NCOR1: variants seen among roughly 807,000 people sequenced by gnomAD.
NCOR1 encodes the protein protein phosphatase 1, regulatory subunit 109.
NCOR1 carries 63 observed loss-of-function variants against 288.1 expected under a neutral mutation model. The ratio of observed to expected loss-of-function variants is 0.22; its 90% confidence interval spans 0.18 to 0.27. NCOR1 has a LOEUF of 0.27. NCOR1 is among the 10% of genes least tolerant of loss of function. The pLI is 1.00. For missense variants in NCOR1, 2,397 were observed against 3,019.2 expected, an observed-to-expected ratio of 0.79 and a Z score of 4.83; for synonymous variants, 1,007 against 1,065.9, an observed-to-expected ratio of 0.94 and a Z score of 1.08.
intron 40 of NCOR1, among the ~76,000 whole-genome samples, chr17:16,050,555 TA>T (rs2059189077): frequency 6.6e-6 from 1 of 152,200 alleles, no homozygotes; most frequent in South Asian, 2.1e-4. Context: ...CGATTATGCA[TA>T]TGAAAGCCAC....
chr17:16,092,690 TATATA>T (rs1377207862), intron 21 of NCOR1, among the ~76,000 whole-genome samples: 148 of 10,670 alleles, frequency 0.014, 1 homozygote, highest in Non-Finnish European at 0.016. Flanking sequence ...TATATATATA[TATATA>T]TTTTTTTTTT....
chr17:16,170,107 CTGTGTG>C (rs61345864), intron 4 of NCOR1, among the ~76,000 whole-genome samples: 24 of 147,684 alleles, frequency 1.6e-4, no homozygotes, highest in African/African-American at 2.2e-4. Flanking sequence ...TATTTGCTTT[CTGTGTG>C]TGTGTGTGTG....
chr17:16,205,594 C>T (rs1318070357), intron 1 of NCOR1, among the ~76,000 whole-genome samples: 1 of 147,848 alleles, frequency 6.8e-6, no homozygotes, highest in East Asian at 2.0e-4. Context: ...GCACTCCAGC[C>T]TGGGCAACAA....
intron 1 of NCOR1, among the ~76,000 whole-genome samples, chr17:16,196,623 AG>A (rs2089859900): frequency 6.6e-6 from 1 of 152,056 alleles, no homozygotes; most frequent in Non-Finnish European, 1.5e-5. Context: ...CAGGAGATCG[AG>A]ACCATCCTGG....
intron 4 of NCOR1, among the ~76,000 whole-genome samples, chr17:16,167,842 A>G (rs1435027835): frequency 6.9e-6 from 1 of 145,064 alleles, no homozygotes; most frequent in Non-Finnish European, 1.5e-5. Flanking sequence ...CCTGGGTGAT[A>G]GAAGAAGACT....
chr17:16,132,174 G>C (rs1187330217), intron 14 of NCOR1, among the ~76,000 whole-genome samples: 2 of 152,144 alleles, frequency 1.3e-5, no homozygotes, highest in Non-Finnish European at 2.9e-5. Context: ...GGCATAAAGG[G>C]GAAAATGGTG....
chr17:16,202,008 T>C (rs1378195089), intron 1 of NCOR1, among the ~76,000 whole-genome samples: 4 of 151,950 alleles, frequency 2.6e-5, no homozygotes, highest in Non-Finnish European at 4.4e-5. Flanking sequence ...AGGAGGATCA[T>C]GAGGTCAAGA....
chr17:16,060,368 A>G (rs1312301674), intron 37 of NCOR1, among the ~76,000 whole-genome samples: 2 of 152,252 alleles, frequency 1.3e-5, no homozygotes, highest in African/African-American at 4.8e-5. Context: ...CCCATGTGCT[A>G]TACCATTCAA....
intron 29 of NCOR1, 128 bp downstream of exon 29, chr17:16,072,017 T>C: frequency 1.4e-6 from 1 of 715,586 alleles, no homozygotes; most frequent in Non-Finnish European, 2.2e-6. Context: ...AGAAAAGTAA[T>C]AACCAAGACT....
Position 16,101,746 on chromosome 17 carries a change from T to C in NCOR1, c.2194A>G (p.Lys732Glu), listed in dbSNP as rs781779820. The C allele has an allele frequency of 6.2e-7, 1 of 1,614,098 alleles. No homozygotes were observed. Among genetic ancestry groups the C allele is most frequent in the Non-Finnish European group, 8.5e-7 (1 of 1,180,044 alleles). The change falls in exon 20 of 46, where the codon AAG becomes GAG. Residue 732 changes from lysine (K) to glutamate (E), a missense_variant. This residue lies in a region of NCOR1 where 1,872 missense variants were observed against 2,187.8 expected (regional missense o/e 0.86). Transcript: ENST00000268712. Reference protein sequence around the residue: ...NPEDSEVEAVKPSEDSPENAT... With the variant: ...NPEDSEVEAVEPSEDSPENAT... ...TTTTCAGGACTGTCCTCGCTGGGCT[T>C]GACAGCTTCAACTGGTGAAGGAGAA... is the stretch of plus-strand genomic sequence containing the variant.
Position 16,032,327 on chromosome 17 carries a change from T to C in NCOR1, c.7292A>G (p.Gln2431Arg), listed in dbSNP as rs888138400. 2 of 1,614,098 alleles carry C rather than the reference T, an allele frequency of 1.2e-6. No homozygotes were observed. The highest frequency in any genetic ancestry group is 1.7e-6 in the Non-Finnish European group (2 of 1,179,992). Reference sequence around the variant, plus strand: ...ATCACTATCCGACAGGGTCTCGTACTGTGCTGAGAGCAGTGGGGCAGGCTC... The same window carrying C: ...ATCACTATCCGACAGGGTCTCGTACCGTGCTGAGAGCAGTGGGGCAGGCTC... ...EREPAPLLSA[Q>R]YETLSDSDD The change falls in exon 46 of 46, where the codon CAG (glutamine) becomes CGG (arginine). Residue 2431 changes from glutamine to arginine, a missense_variant. By Grantham distance (43) the Gln-to-Arg change is conservative. Coordinates refer to ENST00000268712, the MANE Select transcript of NCOR1 (RefSeq NM_006311.4).
At chr17:16,118,839 G>T (rs1202832762) in intron 17 of NCOR1, among the ~76,000 whole-genome samples, 2 of 151,996 alleles carry the variant, frequency 1.3e-5, no homozygotes, top group African/African-American at 4.8e-5. Flanking sequence ...AACAAGCAAC[G>T]ACAGAAAAGC....
chr17:16,191,575 T>A (rs2088307300), intron 2 of NCOR1, among the ~76,000 whole-genome samples: 2 of 145,932 alleles, frequency 1.4e-5, no homozygotes, highest in African/African-American at 2.5e-5. Flanking sequence ...CATAGCAAAA[T>A]GAAGCTAATG....
At chr17:16,049,627 C>G (rs11078327) in intron 40 of NCOR1, among the ~76,000 whole-genome samples, 89,950 of 151,028 alleles carry the variant, frequency 0.6, 27,622 homozygotes, top group African/African-American at 0.73. Flanking sequence ...TGTCACCCAG[C>G]CTGGAGTGCA....
chr17:16,209,110 C>T (rs900544910), intron 1 of NCOR1, among the ~76,000 whole-genome samples: 5 of 151,920 alleles, frequency 3.3e-5, no homozygotes, highest in East Asian at 1.9e-4. Flanking sequence ...AAAGGGCTTA[C>T]GGTCTAGAGG....
At chr17:16,051,079 T>A (rs2059256913) in intron 40 of NCOR1, among the ~76,000 whole-genome samples, 1 of 152,188 alleles carries the variant, frequency 6.6e-6, no homozygotes, top group Admixed American at 6.5e-5. Flanking sequence ...CCTCAAGCGA[T>A]CCTCTCGCCT....
intron 19 of NCOR1, among the ~76,000 whole-genome samples, chr17:16,107,755 C>T (rs1206291736): frequency 6.6e-6 from 1 of 152,194 alleles, no homozygotes; most frequent in African/African-American, 2.4e-5. Flanking sequence ...AGCACTCTTA[C>T]CCTACCCTCG....
Position 16,029,402 on chromosome 17 carries a change from G to A in NCOR1, c.*2894C>T. 1 of 324,404 alleles carries A rather than the reference G, an allele frequency of 3.1e-6. No individual in the cohort carries two copies. Among genetic ancestry groups the A allele is most frequent in the Non-Finnish European group, 6.0e-6 (1 of 165,376 alleles). 20.1% of individuals were successfully genotyped at this position (324,404 alleles called of 1,614,324 possible). ...ATCGTGTCATTAAAATTTTTTAACT[G>A]TCCAATGGTCACTGGAGTTTTCTGG... On this transcript the variant is annotated 3_prime_UTR_variant, in exon 46 of 46. Coordinates refer to ENST00000268712, the MANE Select transcript of NCOR1 (RefSeq NM_006311.4).
At chr17:16,106,033 G>C (rs2068561884) in intron 19 of NCOR1, among the ~76,000 whole-genome samples, 2 of 152,172 alleles carry the variant, frequency 1.3e-5, no homozygotes, top group Non-Finnish European at 2.9e-5. Context: ...CCGGGAAGCA[G>C]AGGTTACAGT....
Sources: gnomAD v4.1 joint callset for allele counts (sites outside exome capture counted in the v4.1 genomes callset) on GRCh38, gnomAD v4.1.1 for gene constraint, gnomAD v4.1.1 regional missense constraint, MANE v1.5 for transcripts, NCBI Gene and HGNC (gene_info 2026-07-23, HGNC 2026-07-21) for gene names.